ADCY5: variants seen among roughly 807,000 people sequenced by gnomAD.
ADCY5 encodes adenylate cyclase type 5.
In ADCY5, 30 loss-of-function variants were observed where a neutral mutation model predicts 119.7. The observed-to-expected ratio is 0.25, with a 90% confidence interval of 0.19 to 0.34. The LOEUF (loss-of-function observed/expected upper bound fraction) is 0.34, where lower values mean the gene tolerates loss of function less well. Among genes scored for constraint, ADCY5 ranks in the 10% least tolerant of loss-of-function variants. The pLI is 1.00. For synonymous variants in ADCY5, 753 were observed against 762.2 expected, an observed-to-expected ratio of 0.99 and a Z score of 0.20; for missense variants, 1,324 against 1,775.2, an observed-to-expected ratio of 0.75 and a Z score of 4.57.
At chr3:123,430,835 GC>G (rs1945509467) in intron 1 of ADCY5, among the ~76,000 whole-genome samples, 2 of 152,116 alleles carry the variant, frequency 1.3e-5, no homozygotes, top group Non-Finnish European at 2.9e-5. Context: ...AACTTCATCT[GC>G]TTCTCTGTCC....
At chr3:123,336,423 C>A (rs1044429683) in intron 3 of ADCY5, among the ~76,000 whole-genome samples, 1 of 152,264 alleles carries the variant, frequency 6.6e-6, no homozygotes, top group African/African-American at 2.4e-5. Flanking sequence ...TTGGCCAACA[C>A]CAGTACTTCA....
intron 1 of ADCY5, among the ~76,000 whole-genome samples, chr3:123,388,850 G>A (rs980170939): frequency 5.3e-5 from 8 of 152,126 alleles, no homozygotes; most frequent in South Asian, 2.1e-4. Flanking sequence ...AGGCACATAC[G>A]CTGAGAACTA....
intron 11 of ADCY5, 29 bp from the exon 12 acceptor site, chr3:123,314,351 G>C: frequency 2.6e-5 from 40 of 1,549,604 alleles, no homozygotes; most frequent in Non-Finnish European, 3.2e-5. Context: ...GGAGGGAGAA[G>C]CCAGGCTCAG....
At chr3:123,418,681 C>A (rs1945236502) in intron 1 of ADCY5, 1 of 152,236 alleles carries the variant, frequency 6.6e-6, no homozygotes. Context: ...GACCCACACA[C>A]CTTCCACTAG....
At position 123,448,075 on chromosome 3, in the gene ADCY5, C is replaced by T. The variant is rs543912318; in HGVS notation, c.471G>A (p.Glu157=). The change falls in exon 1 of 21, where the codon GAG becomes GAA. Residue 157 remains glutamate (E), a synonymous_variant. Coordinates refer to ENST00000462833, the MANE Select transcript of ADCY5 (RefSeq NM_183357.3). ...TGCCCCGCCGCTCCTCCAGACCCAC[C>T]TCCACCGAGCGAGGGCGCACCTCCG... ...GGTEVRPRSV[E]VGLEERRGKG... is the part of the protein sequence containing the mutation. 1,382 of 1,230,806 alleles carry T rather than the reference C, an allele frequency of 1.1e-3. 16 individuals are homozygous for T. The African/African-American group carries it at 0.021, about 18-fold the overall frequency. The allele number at this position is 1,230,806 out of a possible 1,614,324, so 76.2% of individuals were successfully genotyped here.
At chr3:123,419,278 C>T (rs1041008924) in intron 1 of ADCY5, 91 of 879,670 alleles carry the variant, frequency 1.0e-4, no homozygotes, top group South Asian at 5.2e-4. Context: ...AGGGAAGTGC[C>T]GTCCGCCCAC....
At chr3:123,362,168 T>C (rs577754405) in intron 1 of ADCY5, among the ~76,000 whole-genome samples, 2 of 152,358 alleles carry the variant, frequency 1.3e-5, no homozygotes, top group South Asian at 2.1e-4. Flanking sequence ...TTCTGTTTTC[T>C]TGGGGATATA....
chr3:123,408,529 G>T (rs926162346), intron 1 of ADCY5, among the ~76,000 whole-genome samples: 3 of 151,648 alleles, frequency 2.0e-5, no homozygotes, highest in African/African-American at 4.8e-5. Flanking sequence ...AGTGGCATGC[G>T]CCTGTAGTCC....
chr3:123,359,959 TATAAA>T (rs1943189417), intron 1 of ADCY5, among the ~76,000 whole-genome samples: 2 of 152,070 alleles, frequency 1.3e-5, no homozygotes, highest in Non-Finnish European at 2.9e-5. Context: ...TAAGATATAA[TATAAA>T]ATAATTCAAG....
intron 1 of ADCY5, among the ~76,000 whole-genome samples, chr3:123,421,774 T>C (rs1219020030): frequency 2.0e-5 from 3 of 152,174 alleles, no homozygotes; most frequent in African/African-American, 7.2e-5. Flanking sequence ...ACTGCTATGC[T>C]ATAGTGGAAA....
At chr3:123,292,068 C>A (rs1184206659) in intron 17 of ADCY5, among the ~76,000 whole-genome samples, 2 of 152,180 alleles carry the variant, frequency 1.3e-5, no homozygotes, top group South Asian at 4.1e-4. Flanking sequence ...AGGGCAGATC[C>A]CTCGGGTCAA....
chr3:123,330,917 T>C lies in ADCY5; in HGVS notation c.1618A>G (p.Met540Val). The C allele has an allele frequency of 6.2e-7, 1 of 1,613,538 alleles. No individual in the cohort carries two copies. Among genetic ancestry groups the C allele is most frequent in the Non-Finnish European group, 8.5e-7 (1 of 1,179,786 alleles). Residue 540 changes from methionine (M) to valine (V), a missense_variant, in exon 5 of 21, where the codon ATG (methionine) becomes GTG (valine). Met to Val is a conservative substitution (Grantham distance 21, BLOSUM62 1). This residue lies in a region of ADCY5 where 123 missense variants were observed against 287.9 expected (regional missense o/e 0.43). Transcript: ENST00000462833. Reference protein sequence around the residue: ...RADHAHCCVEMGMDMIEAISL... With the variant: ...RADHAHCCVEVGMDMIEAISL... ...ATGGCCTCGATCATGTCCATGCCCA[T>C]CTCCACACAGCAGTGGGCGTGGTCA...
At chr3:123,396,002 GAA>G in intron 1 of ADCY5, among the ~76,000 whole-genome samples, 1 of 134,534 alleles carries the variant, frequency 7.4e-6, no homozygotes, top group African/African-American at 2.8e-5. Flanking sequence ...CAGAAAGAAA[GAA>G]AGAGAGAAAG....
At chr3:123,374,692 A>AG (rs893527236) in intron 1 of ADCY5, among the ~76,000 whole-genome samples, 1 of 149,386 alleles carries the variant, frequency 6.7e-6, no homozygotes, top group East Asian at 2.0e-4. Context: ...CTTTGGCAAA[A>AG]GGGGGGCAGC....
intron 1 of ADCY5, among the ~76,000 whole-genome samples, chr3:123,438,550 T>C (rs1008670873): frequency 6.6e-6 from 1 of 152,094 alleles, no homozygotes; most frequent in Non-Finnish European, 1.5e-5. Flanking sequence ...GACATGAATA[T>C]CCCTTTGTCC....
At chr3:123,312,477 C>A (rs1353908243) in intron 12 of ADCY5, among the ~76,000 whole-genome samples, 2 of 151,972 alleles carry the variant, frequency 1.3e-5, no homozygotes, top group African/African-American at 4.8e-5. Flanking sequence ...GTTGTGCAAC[C>A]AATATTGCTA....
intron 1 of ADCY5, among the ~76,000 whole-genome samples, chr3:123,378,987 G>T (rs963030266): frequency 6.6e-6 from 1 of 152,104 alleles, no homozygotes; most frequent in Non-Finnish European, 1.5e-5. Flanking sequence ...GCGGTGCCTG[G>T]CCCTGTGGAA....
At chr3:123,354,817 G>A (rs1364260825) in intron 1 of ADCY5, among the ~76,000 whole-genome samples, 2 of 152,088 alleles carry the variant, frequency 1.3e-5, no homozygotes, top group African/African-American at 2.4e-5. Flanking sequence ...AGCAACCAAC[G>A]TAATTTTCCA....
intron 13 of ADCY5, among the ~76,000 whole-genome samples, chr3:123,303,538 A>C (rs750850845): frequency 2.0e-5 from 3 of 152,160 alleles, no homozygotes; most frequent in Non-Finnish European, 4.4e-5. Flanking sequence ...GTAGCCAAGC[A>C]TAGTGGCTCA....
Sources: allele counts gnomAD v4.1 joint callset (sites outside exome capture counted in the v4.1 genomes callset), GRCh38; gene constraint gnomAD v4.1.1; regional missense constraint gnomAD v4.1.1; transcripts MANE v1.5; gene names NCBI Gene and HGNC (gene_info 2026-07-23, HGNC 2026-07-21).